Variants in DSCAM observed in about 807,000 individuals in gnomAD.
The protein encoded by DSCAM is cell adhesion molecule DSCAM.
Under a neutral mutation model 217.7 loss-of-function variants are expected in DSCAM, and 47 were observed. That is an observed-to-expected ratio of 0.22 (90% CI 0.17 to 0.28). DSCAM has a LOEUF of 0.28. Among genes scored for constraint, DSCAM ranks in the 10% least tolerant of loss-of-function variants. The pLI, the probability that DSCAM is intolerant of heterozygous loss-of-function variation, is 1.00. For missense variants in DSCAM, 2,080 were observed against 2,618.3 expected, an observed-to-expected ratio of 0.79 and a Z score of 4.49; for synonymous variants, 1,056 against 1,015.3, an observed-to-expected ratio of 1.04 and a Z score of -0.76.
chr21:40,623,234 T>C (rs971994646), intron 3 of DSCAM, among the ~76,000 whole-genome samples: 3 of 42,082 alleles, frequency 7.1e-5, no homozygotes, highest in Non-Finnish European at 1.5e-4. Context: ...TTTGAAGCTA[T>C]TCAGAAAAAA....
At chr21:40,501,258 T>C (rs1405949537) in intron 3 of DSCAM, among the ~76,000 whole-genome samples, 1 of 152,206 alleles carries the variant, frequency 6.6e-6, no homozygotes, top group Non-Finnish European at 1.5e-5. Context: ...CTCTATTTTA[T>C]GTGACAACCT....
chr21:40,439,774 T>G (rs950340805), intron 3 of DSCAM, among the ~76,000 whole-genome samples: 2 of 152,166 alleles, frequency 1.3e-5, no homozygotes, highest in African/African-American at 4.8e-5. Context: ...AAAGAGAGCT[T>G]GTGCAGGGAA....
At chr21:40,014,336 G>T (rs891506809) in intron 32 of DSCAM, among the ~76,000 whole-genome samples, 2 of 152,212 alleles carry the variant, frequency 1.3e-5, no homozygotes, top group African/African-American at 4.8e-5. Context: ...GTTGCAGTGA[G>T]CTGAGATTAT....
intron 2 of DSCAM, among the ~76,000 whole-genome samples, chr21:40,703,094 G>T (rs914309523): frequency 8.6e-5 from 13 of 152,030 alleles, no homozygotes; most frequent in African/African-American, 2.4e-4. Context: ...TTTCCTTTGA[G>T]TAGATCTAAG....
chr21:40,055,511 T>C (rs1040103199), intron 29 of DSCAM, among the ~76,000 whole-genome samples: 1 of 152,204 alleles, frequency 6.6e-6, no homozygotes, highest in Non-Finnish European at 1.5e-5. Flanking sequence ...GACTGGCATA[T>C]TGGCATATAT....
At chr21:40,200,016 CTTT>C (rs369465225) in intron 11 of DSCAM, among the ~76,000 whole-genome samples, 11 of 135,162 alleles carry the variant, frequency 8.1e-5, no homozygotes, top group Non-Finnish European at 1.4e-4. Context: ...CCTCAGGATT[CTTT>C]TTTTTTTTTT....
At chr21:40,678,609 T>A (rs2146417777) in intron 3 of DSCAM, among the ~76,000 whole-genome samples, 1 of 152,282 alleles carries the variant, frequency 6.6e-6, no homozygotes, top group Non-Finnish European at 1.5e-5. Flanking sequence ...GGCTCCAGTA[T>A]CCAGCTCAAA....
At chr21:40,314,606 ATAT>A (rs2074176091) in intron 8 of DSCAM, among the ~76,000 whole-genome samples, 1 of 152,314 alleles carries the variant, frequency 6.6e-6, no homozygotes. Context: ...ATATATGTAA[ATAT>A]TATTAATACT....
chr21:40,188,253 T>C (rs1487339294), intron 12 of DSCAM, among the ~76,000 whole-genome samples: 2 of 152,234 alleles, frequency 1.3e-5, no homozygotes, highest in Non-Finnish European at 2.9e-5. Context: ...ACATTATCCA[T>C]GTCAGGTGTA....
chr21:40,021,252 G>A (rs1242133835), intron 32 of DSCAM, among the ~76,000 whole-genome samples: 10 of 151,336 alleles, frequency 6.6e-5, no homozygotes, highest in Admixed American at 3.9e-4. Flanking sequence ...TACGCAGGTC[G>A]GTAGACAGAT....
chr21:40,428,234 T>TTGTGTGTGTGTGTGTG, intron 3 of DSCAM, among the ~76,000 whole-genome samples: 2 of 129,352 alleles, frequency 1.5e-5, no homozygotes, highest in East Asian at 4.7e-4. Context: ...GGCAAATACT[T>TTGTGTGTGTGTGTGTG]TGTGTGTGTG....
intron 3 of DSCAM, among the ~76,000 whole-genome samples, chr21:40,624,067 A>G (rs2089564382): frequency 6.6e-6 from 1 of 151,942 alleles, no homozygotes; most frequent in South Asian, 2.1e-4. Context: ...GATCATATAC[A>G]CCCATTCCAG....
chr21:40,766,127 G>C (rs558258268), intron 1 of DSCAM, among the ~76,000 whole-genome samples: 1 of 152,170 alleles, frequency 6.6e-6, no homozygotes, highest in East Asian at 1.9e-4. Flanking sequence ...TCTCAGCTCC[G>C]TCAACTAGCA....
At chr21:40,296,817 G>A (rs2073959342) in intron 9 of DSCAM, among the ~76,000 whole-genome samples, 2 of 106,432 alleles carry the variant, frequency 1.9e-5, no homozygotes, top group Admixed American at 1.2e-4. Flanking sequence ...GGCAACAAGA[G>A]TCAAACTCCA....
intron 11 of DSCAM, among the ~76,000 whole-genome samples, chr21:40,266,777 C>CATATAT (rs10684678): frequency 0.2 from 21,430 of 108,050 alleles, 2,494 homozygotes; most frequent in Non-Finnish European, 0.24. Context: ...TTTTCACATG[C>CATATAT]ATATATATAT....
At chr21:40,021,936 T>C (rs1196310723) in intron 32 of DSCAM, among the ~76,000 whole-genome samples, 1 of 152,188 alleles carries the variant, frequency 6.6e-6, no homozygotes, top group Non-Finnish European at 1.5e-5. Flanking sequence ...TGCCTCCTTT[T>C]AGCTGAAACC....
At chr21:40,397,038 A>G (rs529432521) in intron 3 of DSCAM, among the ~76,000 whole-genome samples, 1 of 152,088 alleles carries the variant, frequency 6.6e-6, no homozygotes, top group African/African-American at 2.4e-5. Context: ...ACCCTTCCCT[A>G]ATTCCTGTTT....
At chr21:40,137,028 G>T (rs1484850388) in intron 18 of DSCAM, among the ~76,000 whole-genome samples, 3 of 151,944 alleles carry the variant, frequency 2.0e-5, no homozygotes, top group African/African-American at 7.2e-5. Flanking sequence ...CAAAAAATTA[G>T]CCTGGCGTGG....
intron 21 of DSCAM, among the ~76,000 whole-genome samples, chr21:40,090,200 G>T (rs563529582): frequency 2.6e-5 from 4 of 151,964 alleles, no homozygotes; most frequent in African/African-American, 4.8e-5. Flanking sequence ...TTGATTTCTC[G>T]TTTCTCCCTC....
Sources: allele counts gnomAD v4.1 joint callset (sites outside exome capture counted in the v4.1 genomes callset), GRCh38; gene constraint gnomAD v4.1.1; transcripts MANE v1.5; gene names NCBI Gene and HGNC (gene_info 2026-07-23, HGNC 2026-07-21).